The following PXDC1 variants were observed in gnomAD, a reference collection of about 807,000 sequenced individuals.
The protein encoded by PXDC1 is PX domain containing 1.
Under a neutral mutation model 24.4 loss-of-function variants are expected in PXDC1, and 13 were observed. That is an observed-to-expected ratio of 0.53 (90% CI 0.35 to 0.85). The LOEUF (loss-of-function observed/expected upper bound fraction) is 0.85. Among genes scored for constraint, PXDC1 ranks in the 40% least tolerant of loss-of-function variants. The pLI is 0.01. For synonymous variants in PXDC1, 162 were observed against 124.9 expected (o/e 1.30, Z -1.98); for missense variants, 344 against 309.3 (o/e 1.11, Z -0.84).
chr6:3,751,465 C>T lies in PXDC1; in HGVS notation c.67G>A (p.Gly23Ser). The T allele has an allele frequency of 6.2e-7, 1 of 1,603,632 alleles. No homozygotes were observed. Residue 23 changes from glycine to serine, a missense_variant, in exon 1 of 5, where the codon GGC becomes AGC. By Grantham distance (56) the Gly-to-Ser change is moderately conservative. Coordinates refer to ENST00000380283, the MANE Select transcript of PXDC1 (RefSeq NM_183373.4). Reference sequence around the variant, plus strand: ...CGGCTGACGATGAGCCTGCGGATGCCGTTCACCCAGCAGCCGCGCACGAAC... The same window carrying T: ...CGGCTGACGATGAGCCTGCGGATGCTGTTCACCCAGCAGCCGCGCACGAAC... Reference protein sequence around the residue: ...NMFVRGCWVNGIRRLIVSRRG... With the variant: ...NMFVRGCWVNSIRRLIVSRRG...
At chr6:3,747,657 CCT>C (rs1287255379) in intron 1 of PXDC1, among the ~76,000 whole-genome samples, 2 of 152,174 alleles carry the variant, frequency 1.3e-5, no homozygotes. Context: ...CCTCGATCAC[CCT>C]GTCTAAACGC....
Position 3,751,312 on chromosome 6 carries a change from C to T in PXDC1, c.220G>A (p.Asp74Asn). Residue 74 changes from aspartate to asparagine, a missense_variant, in exon 1 of 5, where the codon GAC (aspartate) becomes AAC (asparagine). By Grantham distance (23) the Asp-to-Asn change is conservative (BLOSUM62 1). Coordinates refer to ENST00000380283, the MANE Select transcript of PXDC1 (RefSeq NM_183373.4). Reference sequence around the variant, plus strand: ...GGCCCCTGCGCCAGTTCGGACCGGTCCTCGGGAAAGGCGTCGCGCAGGCGC... The same window carrying T: ...GGCCCCTGCGCCAGTTCGGACCGGTTCTCGGGAAAGGCGTCGCGCAGGCGC... The part of the protein sequence containing the change: ...WQRLRDAFPE[D>N]RSELAQGPLR... The T allele has an allele frequency of 3.2e-6, 5 of 1,547,024 alleles. No individual in the cohort carries two copies. Among genetic ancestry groups the T allele is most frequent in the Non-Finnish European group, 4.3e-6 (5 of 1,151,776 alleles).
intron 4 of PXDC1, among the ~76,000 whole-genome samples, chr6:3,726,107 C>T (rs1252560372): frequency 6.6e-6 from 1 of 152,168 alleles, no homozygotes; most frequent in Non-Finnish European, 1.5e-5. Context: ...TCCAGGGTGC[C>T]AAGGGCCTCT....
chr6:3,751,408 G>A lies in PXDC1; in HGVS notation c.124C>T (p.Arg42Cys). The A allele has an allele frequency of 6.3e-7, 1 of 1,578,832 alleles. No individual in the cohort carries two copies. The highest frequency in any genetic ancestry group is 8.6e-7 in the Non-Finnish European group (1 of 1,163,458). ...ACGCTGCGGTCCGACCACTCCGTGC[G>A]GATCTCGAAGAACTCCTCTTCGTCG... Reference protein sequence around the residue: ...RGDEEEFFEIRTEWSDRSVLY... With the variant: ...RGDEEEFFEICTEWSDRSVLY... Residue 42 changes from arginine to cysteine, a missense_variant, in exon 1 of 5, where the codon CGC (arginine) becomes TGC (cysteine). Physicochemically the swap from Arg to Cys is radical, Grantham distance 180 (BLOSUM62 -3). Transcript: ENST00000380283.
chr6:3,751,588 G>C lies in PXDC1; in HGVS notation c.-57C>G. ...AGCCCCGCCGCCCGCCCGCCCGCAGGAGGCGCGCCCCGGCCGGGGTCGTCC... is the reference window on the plus strand; with the variant it reads ...AGCCCCGCCGCCCGCCCGCCCGCAGCAGGCGCGCCCCGGCCGGGGTCGTCC... On this transcript the variant is annotated 5_prime_UTR_variant, in exon 1 of 5. Coordinates refer to ENST00000380283, the MANE Select transcript of PXDC1 (RefSeq NM_183373.4). 1 of 1,441,206 alleles carries C rather than the reference G, an allele frequency of 6.9e-7. No individual in the cohort carries two copies. Among genetic ancestry groups the C allele is most frequent in the Non-Finnish European group, 9.1e-7 (1 of 1,101,992 alleles). The allele number at this position is 1,441,206 out of a possible 1,614,324, so 89.3% of individuals were successfully genotyped here.
intron 3 of PXDC1, among the ~76,000 whole-genome samples, chr6:3,736,167 G>T (rs1760310484): frequency 1.3e-5 from 2 of 152,090 alleles, no homozygotes. Flanking sequence ...TTCCTTCTGG[G>T]TCAGCTCTGG....
chr6:3,747,138 C>G (rs1382184786), intron 1 of PXDC1, among the ~76,000 whole-genome samples: 1 of 152,080 alleles, frequency 6.6e-6, no homozygotes, highest in Non-Finnish European at 1.5e-5. Context: ...CACCCCCTCC[C>G]CCATGTCAAC....
At position 3,751,706 on chromosome 6, in the gene PXDC1, C is replaced by G. The variant is rs907822315; in HGVS notation, c.-175G>C. On this transcript the variant is annotated 5_prime_UTR_variant, in exon 1 of 5. Coordinates refer to ENST00000380283, the MANE Select transcript of PXDC1 (RefSeq NM_183373.4). ...CGTTCGGGGCAGCGGGGCGGCGCGGCGGCGAGTGGCTCGGGCCGGCCGGGC... is the reference window on the plus strand; with the variant it reads ...CGTTCGGGGCAGCGGGGCGGCGCGGGGGCGAGTGGCTCGGGCCGGCCGGGC... 7.2e-5 allele frequency: 69 copies of G among 959,624 alleles called. No individual in the cohort carries two copies. The African/African-American group carries it at 1.1e-3, about 15-fold the overall frequency. 59.4% of individuals were successfully genotyped at this position (959,624 alleles called of 1,614,324 possible).
At chr6:3,747,500 C>T (rs556331827) in intron 1 of PXDC1, among the ~76,000 whole-genome samples, 66 of 152,246 alleles carry the variant, frequency 4.3e-4, no homozygotes, top group African/African-American at 1.5e-3. Flanking sequence ...CACCAGCCAC[C>T]GTACCTCCTC....
Position 3,751,554 on chromosome 6 carries a change from G to A in PXDC1, c.-23C>T, listed in dbSNP as rs368428899. On this transcript the variant is annotated 5_prime_UTR_variant, in exon 1 of 5. Coordinates refer to ENST00000380283, the MANE Select transcript of PXDC1 (RefSeq NM_183373.4). ...CATGTCGCACGCATGCCCCCGCCAA[G>A]GGCTCCCCAGCCCCGCCGCCCGCCC... 1.3e-5 allele frequency: 20 copies of A among 1,534,324 alleles called. No homozygotes were observed. Among genetic ancestry groups the A allele is most frequent in the East Asian group, 2.5e-5 (1 of 39,374 alleles).
Position 3,738,096 on chromosome 6 carries a change from C to T in PXDC1, c.309G>A (p.Val103=), listed in dbSNP as rs1049981523. 9.3e-6 allele frequency: 15 copies of T among 1,614,002 alleles called. No homozygotes were observed. The highest frequency in any genetic ancestry group is 3.3e-5 in the Admixed American group (2 of 59,996). ...TTATGATCGTCTTCAGCAGCTTCTC[C>T]ACCTCATTAAGCCTGGTCTCTATGT... The part of the protein sequence containing the change: ...AHDIETRLNE[V]EKLLKTIISM... The change falls in exon 2 of 5, where the codon GTG becomes GTA. Residue 103 remains valine, a synonymous_variant. Transcript: ENST00000380283.
intron 1 of PXDC1, among the ~76,000 whole-genome samples, chr6:3,742,229 T>C (rs1760464614): frequency 6.6e-6 from 1 of 152,242 alleles, no homozygotes; most frequent in Non-Finnish European, 1.5e-5. Flanking sequence ...CTACCTGTTG[T>C]ACTCCTCCTT....
Position 3,737,950 on chromosome 6 carries a change from A to G in PXDC1, c.348+107T>C. ...AGGGAGGGAACAAAACGGCTAAGTG[A>G]GACAGAGCAAGCAAGTCAACCCTCC... On this transcript the variant is annotated intron_variant, in intron 2 of 4. Coordinates refer to ENST00000380283, the MANE Select transcript of PXDC1 (RefSeq NM_183373.4). The surrounding 1 kb of genome is among the most constrained non-coding windows in gnomAD (Gnocchi z 5.5). 1.1e-6 allele frequency: 1 copy of G among 939,854 alleles called. No homozygotes were observed. The highest frequency in any genetic ancestry group is 1.7e-6 in the Non-Finnish European group (1 of 598,364). The allele number at this position is 939,854 out of a possible 1,614,324, so 58.2% of individuals were successfully genotyped here.
intron 3 of PXDC1, 44 bp from the exon 4 acceptor site, chr6:3,727,706 G>T: frequency 7.3e-7 from 1 of 1,363,696 alleles, no homozygotes; most frequent in Non-Finnish European, 1.0e-6. Flanking sequence ...AGGGGTCGGA[G>T]CTTGAGGTTT....
At chr6:3,726,092 C>T (rs1057312993) in intron 4 of PXDC1, among the ~76,000 whole-genome samples, 40 of 152,286 alleles carry the variant, frequency 2.6e-4, no homozygotes, top group African/African-American at 9.1e-4. Context: ...TAAATCTGGC[C>T]TCATTCCAGG....
intron 1 of PXDC1, among the ~76,000 whole-genome samples, chr6:3,750,019 C>A (rs1760664458): frequency 6.6e-6 from 1 of 152,252 alleles, no homozygotes; most frequent in African/African-American, 2.4e-5. Context: ...GTCTGGAGAA[C>A]AGCTATAAAT....
chr6:3,748,812 C>A (rs1440464075), intron 1 of PXDC1, among the ~76,000 whole-genome samples: 1 of 152,148 alleles, frequency 6.6e-6, no homozygotes, highest in Non-Finnish European at 1.5e-5. Flanking sequence ...TAACCCGTCC[C>A]AGAAACAGTT....
chr6:3,740,132 G>A (rs760634281), intron 1 of PXDC1, among the ~76,000 whole-genome samples: 1 of 152,212 alleles, frequency 6.6e-6, no homozygotes, highest in Non-Finnish European at 1.5e-5. Context: ...TCCAGCACAT[G>A]TATACCCATT....
intron 3 of PXDC1, among the ~76,000 whole-genome samples, chr6:3,730,250 A>G (rs2127598447): frequency 6.6e-6 from 1 of 152,228 alleles, no homozygotes; most frequent in African/African-American, 2.4e-5. Flanking sequence ...GAACCTCGAA[A>G]AACCTAGGGG....
Sources: allele counts gnomAD v4.1 joint callset (sites outside exome capture counted in the v4.1 genomes callset), GRCh38; gene constraint gnomAD v4.1.1; non-coding constraint Gnocchi (gnomAD v3.1); transcripts MANE v1.5; gene names NCBI Gene and HGNC (gene_info 2026-07-23, HGNC 2026-07-21).